The following MALRD1 variants were observed in gnomAD, a reference collection of about 807,000 sequenced individuals.
MALRD1 encodes MAM and LDL receptor class A domain containing 1, also known as MAM and LDL-receptor class A domain-containing protein 1.
A neutral mutation model predicts 242.1 loss-of-function variants in MALRD1; 247 were observed. The observed-to-expected ratio is 1.02, with a 90% CI of 0.92 to 1.13. The LOEUF (loss-of-function observed/expected upper bound fraction) is 1.13. Ranked by LOEUF, MALRD1 falls within the 50% of genes most tolerant of loss-of-function variation. MALRD1 has a pLI of 0.00. For missense variants in MALRD1, 2,989 were observed against 2,533.1 expected (o/e 1.18, Z -3.86); for synonymous variants, 995 against 866.6 (o/e 1.15, Z -2.60).
intron 1 of MALRD1, among the ~76,000 whole-genome samples, chr10:19,062,033 G>C (rs1834837129): frequency 6.6e-6 from 1 of 151,430 alleles, no homozygotes; most frequent in African/African-American, 2.4e-5. Flanking sequence ...TCTGATAAAA[G>C]ATTGATATCA....
At chr10:19,405,972 A>G (rs1010197345) in intron 28 of MALRD1, among the ~76,000 whole-genome samples, 6 of 152,152 alleles carry the variant, frequency 3.9e-5, no homozygotes, top group African/African-American at 1.4e-4. Flanking sequence ...AGATGTGACA[A>G]AAGATCACTG....
At chr10:19,325,203 A>T (rs975337374) in intron 22 of MALRD1, among the ~76,000 whole-genome samples, 8 of 151,796 alleles carry the variant, frequency 5.3e-5, no homozygotes, top group Non-Finnish European at 1.2e-4. Flanking sequence ...TAGTCAATGT[A>T]TTATAATCTA....
rs572602667 is a variant in MALRD1 at position 19,094,300 on chromosome 10, C to T, written c.597+6115C>T. On this transcript the variant is annotated intron_variant, in intron 4 of 39. Transcript: ENST00000454679. Reference sequence around the variant, plus strand: ...TGTGGGATATAGTCTCGTGGTGCGCCGTTTTTTAAGCCGATCTGAAAAGCG... The same window carrying T: ...TGTGGGATATAGTCTCGTGGTGCGCTGTTTTTTAAGCCGATCTGAAAAGCG... Among the ~76,000 whole-genome samples, 12 of 101,546 alleles carry T rather than the reference C, an allele frequency of 1.2e-4. 2 individuals carry two copies. The highest frequency in any genetic ancestry group is 7.1e-4 in the Admixed American group (7 of 9,886). The allele number at this position is 101,546 out of a possible 152,430, so 66.6% of individuals were successfully genotyped here.
intron 36 of MALRD1, among the ~76,000 whole-genome samples, chr10:19,665,248 AAAAC>A (rs898326943): frequency 6.5e-4 from 99 of 152,240 alleles, no homozygotes; most frequent in African/African-American, 1.5e-3. Context: ...AAGACAAAAC[AAAAC>A]AAACAAACAA....
At chr10:19,320,091 A>G (rs1204073850) in intron 21 of MALRD1, among the ~76,000 whole-genome samples, 2 of 110,560 alleles carry the variant, frequency 1.8e-5, no homozygotes, top group East Asian at 5.6e-4. Context: ...TCTGGGATAT[A>G]TGTGCTGAAT....
At chr10:19,198,117 A>G (rs1322760163) in intron 14 of MALRD1, among the ~76,000 whole-genome samples, 2 of 152,068 alleles carry the variant, frequency 1.3e-5, no homozygotes, top group Non-Finnish European at 2.9e-5. Flanking sequence ...AAGTGGTAGT[A>G]TACATAGATA....
At chr10:19,078,665 G>A (rs1835392306) in intron 2 of MALRD1, among the ~76,000 whole-genome samples, 1 of 151,666 alleles carries the variant, frequency 6.6e-6, no homozygotes, top group Non-Finnish European at 1.5e-5. Context: ...ATTTGTTTGT[G>A]GAAAGATTTT....
At chr10:19,534,794 C>G (rs554908360) in intron 32 of MALRD1, among the ~76,000 whole-genome samples, 4 of 152,052 alleles carry the variant, frequency 2.6e-5, no homozygotes, top group African/African-American at 9.6e-5. Context: ...ATATTACTTA[C>G]TAAAATATTT....
chr10:19,400,652 T>C (rs985213235), intron 28 of MALRD1, among the ~76,000 whole-genome samples: 10 of 152,190 alleles, frequency 6.6e-5, no homozygotes, highest in African/African-American at 2.2e-4. Flanking sequence ...GAAATATTTA[T>C]AGACTGAAAG....
In MALRD1 at chr10:19,100,046, C is replaced by A. The variant is rs192785497; in HGVS notation, c.598-3933C>A. On this transcript the variant is annotated intron_variant, in intron 4 of 39. Transcript: ENST00000454679. ...AAAGTATTGGGATTATAGGTGTGAACCACCATAATAATAAATTTTTTTCTT... is the reference window on the plus strand; with the variant it reads ...AAAGTATTGGGATTATAGGTGTGAAACACCATAATAATAAATTTTTTTCTT... 4.6e-5 allele frequency among the ~76,000 whole-genome samples: 7 copies of A among 152,222 alleles called. No individual in the cohort carries two copies. The East Asian group carries it at 1.4e-3, about 29-fold the overall frequency.
At chr10:19,309,653 C>G (rs1208577647) in intron 21 of MALRD1, among the ~76,000 whole-genome samples, 1 of 151,420 alleles carries the variant, frequency 6.6e-6, no homozygotes, top group African/African-American at 2.4e-5. Context: ...ATGGCATGAA[C>G]TAGCTGGTTA....
chr10:19,729,428 A>G (rs1835183305), intron 38 of MALRD1, among the ~76,000 whole-genome samples: 1 of 152,184 alleles, frequency 6.6e-6, no homozygotes, highest in South Asian at 2.1e-4. Context: ...TTATACAATT[A>G]TCATACATTA....
At chr10:19,426,900 A>G (rs1485332750) in intron 28 of MALRD1, among the ~76,000 whole-genome samples, 3 of 152,180 alleles carry the variant, frequency 2.0e-5, no homozygotes, top group Admixed American at 1.3e-4. Flanking sequence ...ATGTGGTCTC[A>G]TAACACTTTT....
intron 36 of MALRD1, 51 bp downstream of exon 36, chr10:19,615,974 A>G: frequency 6.6e-6 from 9 of 1,366,968 alleles, no homozygotes; most frequent in East Asian, 2.5e-5. Flanking sequence ...GAGTTGGCTT[A>G]CTTATTTTTC....
chr10:19,211,984 G>T (rs1271791794), intron 18 of MALRD1, among the ~76,000 whole-genome samples: 2 of 152,116 alleles, frequency 1.3e-5, no homozygotes, highest in Non-Finnish European at 2.9e-5. Context: ...AAGTATACAG[G>T]AACCAGTTTA....
At chr10:19,181,613 T>C (rs1835507734) in intron 14 of MALRD1, among the ~76,000 whole-genome samples, 2 of 152,108 alleles carry the variant, frequency 1.3e-5, no homozygotes, top group Non-Finnish European at 2.9e-5. Context: ...AGGAGAAATG[T>C]GTCTAGAGAT....
chr10:19,078,419 G>C (rs1399614023), intron 2 of MALRD1, among the ~76,000 whole-genome samples: 2 of 151,766 alleles, frequency 1.3e-5, no homozygotes, highest in East Asian at 3.9e-4. Context: ...GCTTGACCAT[G>C]GCGAAAAATT....
At chr10:19,516,941 G>C (rs563940291) in intron 31 of MALRD1, among the ~76,000 whole-genome samples, 3 of 152,128 alleles carry the variant, frequency 2.0e-5, no homozygotes, top group African/African-American at 7.2e-5. Context: ...AACCAAGAAA[G>C]AACGGCATAG....
intron 36 of MALRD1, among the ~76,000 whole-genome samples, chr10:19,663,610 T>C (rs1841541671): frequency 6.6e-6 from 1 of 152,048 alleles, no homozygotes; most frequent in Non-Finnish European, 1.5e-5. Flanking sequence ...GAGCATGATT[T>C]TTAATGGGTT....
Sources: allele counts gnomAD v4.1 joint callset (sites outside exome capture counted in the v4.1 genomes callset), GRCh38; gene constraint gnomAD v4.1.1; transcripts MANE v1.5; gene names NCBI Gene and HGNC (gene_info 2026-07-23, HGNC 2026-07-21).